Variants in ADK observed in about 807,000 individuals in gnomAD.
The protein encoded by ADK is N6,N6-dimethyladenosine kinase.
ADK carries 24 observed loss-of-function variants against 44.7 expected under a neutral mutation model. The observed-to-expected ratio is 0.54, with a 90% confidence interval of 0.39 to 0.76. The LOEUF (loss-of-function observed/expected upper bound fraction) is 0.76. Ranked by LOEUF, ADK falls within the 30% of genes least tolerant of loss-of-function variation. ADK has a pLI of 0.00. For synonymous variants in ADK, 128 were observed against 142.6 expected (o/e 0.90, Z 0.73); for missense variants, 321 against 425.1 (o/e 0.76, Z 2.15).
At chr10:74,215,634 TAA>T (rs1402404837) in intron 2 of ADK, among the ~76,000 whole-genome samples, 4 of 150,288 alleles carry the variant, frequency 2.7e-5, no homozygotes, top group African/African-American at 9.8e-5. Context: ...TAATGATTTT[TAA>T]TAACTTTATA....
At chr10:74,540,128 AATT>A in intron 7 of ADK, among the ~76,000 whole-genome samples, 1 of 152,276 alleles carries the variant, frequency 6.6e-6, no homozygotes, top group Admixed American at 6.5e-5. Context: ...AAAGCCATCT[AATT>A]ATTATGTGTT....
At chr10:74,483,655 G>C (rs1471518772) in intron 6 of ADK, among the ~76,000 whole-genome samples, 7 of 152,192 alleles carry the variant, frequency 4.6e-5, no homozygotes, top group Admixed American at 6.5e-5. Context: ...AGCATATGCT[G>C]TTAGAAGCAG....
chr10:74,513,523 G>A (rs1848431802), intron 6 of ADK, among the ~76,000 whole-genome samples: 1 of 152,094 alleles, frequency 6.6e-6, no homozygotes, highest in Non-Finnish European at 1.5e-5. Context: ...TTGACTTGAA[G>A]AGTGTTTTAC....
At chr10:74,290,422 A>C (rs1258663516) in intron 3 of ADK, among the ~76,000 whole-genome samples, 1 of 152,168 alleles carries the variant, frequency 6.6e-6, no homozygotes, top group African/African-American at 2.4e-5. Context: ...GTATTTCCCT[A>C]GTCTTTCTCT....
At chr10:74,192,146 A>G (rs1354115604) in intron 1 of ADK, among the ~76,000 whole-genome samples, 1 of 151,976 alleles carries the variant, frequency 6.6e-6, no homozygotes, top group African/African-American at 2.4e-5. Flanking sequence ...TTATGGGTGT[A>G]CCATAGTTTG....
chr10:74,303,588 G>GTTGTTTTTTTTTTTTTTTT (rs1840139803), intron 3 of ADK, among the ~76,000 whole-genome samples: 22 of 68,578 alleles, frequency 3.2e-4, no homozygotes, highest in African/African-American at 1.7e-3. Context: ...TTTTAATGTT[G>GTTGTTTTTTTTTTTTTTTT]TTTTTTTTTT....
intron 7 of ADK, among the ~76,000 whole-genome samples, chr10:74,573,760 C>T (rs1851063540): frequency 6.6e-6 from 1 of 152,218 alleles, no homozygotes; most frequent in Non-Finnish European, 1.5e-5. Flanking sequence ...TGATCTCAGA[C>T]TGCTGTGCTA....
chr10:74,343,119 C>G (rs1309989937), intron 4 of ADK, among the ~76,000 whole-genome samples: 1 of 152,052 alleles, frequency 6.6e-6, no homozygotes, highest in African/African-American at 2.4e-5. Context: ...CTGCAGTTTT[C>G]TTAGATGCCC....
chr10:74,387,662 T>C (rs1475835801), intron 4 of ADK, among the ~76,000 whole-genome samples: 1 of 152,200 alleles, frequency 6.6e-6, no homozygotes, highest in Non-Finnish European at 1.5e-5. Flanking sequence ...ATCTCTCTCA[T>C]GGGTATTTTC....
At chr10:74,371,224 T>C (rs983810984) in intron 4 of ADK, among the ~76,000 whole-genome samples, 2 of 152,206 alleles carry the variant, frequency 1.3e-5, no homozygotes, top group Non-Finnish European at 2.9e-5. Context: ...TGCTAATGGG[T>C]ACAAGGTTTC....
At position 74,273,173 on chromosome 10, in the gene ADK, C is replaced by CA. The variant is rs1242476637; in HGVS notation, c.195-41493dup. ...AGCTGTCTGGCCTACAGAGGACAGC[C>CA]AGAAAAAAAAAAAAAATTGCCTTAA... On this transcript the variant is annotated intron_variant, in intron 3 of 10. Transcript: ENST00000539909. Among the ~76,000 whole-genome samples, 888 of 130,744 alleles carry CA rather than the reference C, an allele frequency of 6.8e-3. 10 individuals carry two copies. The highest frequency in any genetic ancestry group is 0.011 in the Admixed American group (141 of 12,994). 85.8% of individuals were successfully genotyped at this position (130,744 alleles called of 152,430 possible).
chr10:74,320,625 T>C (rs2078036), intron 4 of ADK, among the ~76,000 whole-genome samples: 110,124 of 151,856 alleles, frequency 0.73, 40,567 homozygotes, highest in Middle Eastern at 0.86. Flanking sequence ...TGTTGGTCTG[T>C]GGTGATTGTT....
chr10:74,283,201 T>G (rs1307839652), intron 3 of ADK, among the ~76,000 whole-genome samples: 1 of 152,190 alleles, frequency 6.6e-6, no homozygotes, highest in Non-Finnish European at 1.5e-5. Flanking sequence ...ATTACCACAC[T>G]TTCTTGGACT....
chr10:74,708,207 C>A, intron 10 of ADK, 114 bp from the exon 11 acceptor site: 5 of 977,264 alleles, frequency 5.1e-6, no homozygotes, highest in East Asian at 3.3e-5. Flanking sequence ...CTTTCTCTTA[C>A]TGTCAAGGCT....
At chr10:74,499,720 A>G (rs969323533) in intron 6 of ADK, among the ~76,000 whole-genome samples, 3 of 152,162 alleles carry the variant, frequency 2.0e-5, no homozygotes, top group African/African-American at 7.2e-5. Context: ...TATCTCTTCA[A>G]GCATGAAAAG....
chr10:74,383,317 A>AAT lies in ADK; in HGVS notation c.274-10824_274-10823insAT, dbSNP rs1843033033. On this transcript the variant is annotated intron_variant, in intron 4 of 10. Coordinates refer to ENST00000539909, the MANE Select transcript of ADK (RefSeq NM_006721.4). ...AGAATACAGATTTGAGTAAGAGATT[A>AAT]TAAGCATTTTGATTCTAAGACTTTT... Among the ~76,000 whole-genome samples the AAT allele has an allele frequency of 1.3e-5, 2 of 152,166 alleles. 1 individual carries two copies. Among genetic ancestry groups the AAT allele is most frequent in the Admixed American group, 1.3e-4 (2 of 15,268 alleles).
intron 9 of ADK, among the ~76,000 whole-genome samples, chr10:74,620,175 T>C (rs903918655): frequency 6.6e-6 from 1 of 152,240 alleles, no homozygotes; most frequent in Admixed American, 6.5e-5. Flanking sequence ...TTGTTAACTG[T>C]AGTTATCCTA....
At chr10:74,194,138 G>A (rs1292579410) in intron 1 of ADK, among the ~76,000 whole-genome samples, 2 of 151,990 alleles carry the variant, frequency 1.3e-5, no homozygotes, top group South Asian at 2.1e-4. Context: ...GGTAGGAGTC[G>A]ATCAGGAAAA....
In ADK at chr10:74,304,400, G is replaced by A. The variant is rs74905971; in HGVS notation, c.195-10267G>A. ...AAGAGTGGAATAGTGCATTATACACGCACACACTCAAGGGAAGCAAGTATA... is the reference window on the plus strand; with the variant it reads ...AAGAGTGGAATAGTGCATTATACACACACACACTCAAGGGAAGCAAGTATA... On this transcript the variant is annotated intron_variant, in intron 3 of 10. Transcript: ENST00000539909. Among the ~76,000 whole-genome samples the A allele has an allele frequency of 4.5e-3, 678 of 152,072 alleles. 4 individuals are homozygous for A. The highest frequency in any genetic ancestry group is 0.016 in the African/African-American group (652 of 41,484).
Sources: gnomAD v4.1 joint callset for allele counts (sites outside exome capture counted in the v4.1 genomes callset) on GRCh38, gnomAD v4.1.1 for gene constraint, MANE v1.5 for transcripts, NCBI Gene and HGNC (gene_info 2026-07-23, HGNC 2026-07-21) for gene names.